AFG2A: variants seen among roughly 807,000 people sequenced by gnomAD.
AFG2A encodes the protein AAA ATPase AFG2A.
the AFG2A span, among the ~76,000 whole-genome samples, chr4:122,984,932 C>A: frequency 6.6e-6 from 1 of 151,778 alleles, no homozygotes; most frequent in Non-Finnish European, 1.5e-5. Flanking sequence ...TGGTTATATC[C>A]TTTTCTGGTT....
At chr4:123,069,429 G>A in the AFG2A span, among the ~76,000 whole-genome samples, 1 of 152,140 alleles carries the variant, frequency 6.6e-6, no homozygotes, top group Non-Finnish European at 1.5e-5. Flanking sequence ...AAGGACAAAT[G>A]CTGTATAGAA....
chr4:122,993,598 G>C, the AFG2A span, among the ~76,000 whole-genome samples: 1 of 151,930 alleles, frequency 6.6e-6, no homozygotes, highest in African/African-American at 2.4e-5. Context: ...TAAAGCTTGT[G>C]ACAAATATCA....
the AFG2A span, among the ~76,000 whole-genome samples, chr4:123,298,224 TG>T: frequency 1.3e-5 from 2 of 152,224 alleles, no homozygotes; most frequent in African/African-American, 4.8e-5. Flanking sequence ...TGTAGGGTTT[TG>T]ATTACTGGAA....
At chr4:123,316,474 C>CT in the AFG2A span, 1 of 152,138 alleles carries the variant, frequency 6.6e-6, no homozygotes, top group Non-Finnish European at 1.5e-5. Flanking sequence ...AACCTCAAAA[C>CT]TTTTATGCTC....
At chr4:123,093,922 A>G in the AFG2A span, among the ~76,000 whole-genome samples, 2 of 152,174 alleles carry the variant, frequency 1.3e-5, no homozygotes, top group Non-Finnish European at 2.9e-5. Context: ...TAATGCTCCT[A>G]TGCCCACCCA....
the AFG2A span, among the ~76,000 whole-genome samples, chr4:122,974,264 A>AC: frequency 6.6e-6 from 1 of 151,926 alleles, no homozygotes; most frequent in Non-Finnish European, 1.5e-5. Context: ...TTTGCATGAT[A>AC]TAAAAAAAAG....
At chr4:123,311,007 A>G in the AFG2A span, among the ~76,000 whole-genome samples, 5 of 152,286 alleles carry the variant, frequency 3.3e-5, no homozygotes, top group Admixed American at 6.5e-5. Flanking sequence ...TTGAGTACCC[A>G]TGTTTCTCTT....
At chr4:123,091,696 A>G in the AFG2A span, among the ~76,000 whole-genome samples, 2 of 152,140 alleles carry the variant, frequency 1.3e-5, no homozygotes, top group Non-Finnish European at 2.9e-5. Flanking sequence ...ATAGGTGCAA[A>G]ACCAGTCCTT....
the AFG2A span, chr4:123,056,505 C>A: frequency 7.1e-7 from 1 of 1,400,786 alleles, no homozygotes. Context: ...TGTGCAGCTT[C>A]CCTTTTGTTT....
chr4:123,280,168 A>C, the AFG2A span, among the ~76,000 whole-genome samples: 3 of 152,180 alleles, frequency 2.0e-5, no homozygotes, highest in Non-Finnish European at 4.4e-5. Context: ...TACATTGAGT[A>C]ATTTAGTGAA....
the AFG2A span, among the ~76,000 whole-genome samples, chr4:123,056,731 A>G: frequency 6.6e-6 from 1 of 152,268 alleles, no homozygotes; most frequent in African/African-American, 2.4e-5. Flanking sequence ...TGTTACTAAT[A>G]GTTAATAATA....
chr4:123,282,814 A>G, the AFG2A span, among the ~76,000 whole-genome samples: 1 of 145,000 alleles, frequency 6.9e-6, no homozygotes. Context: ...AGGGGGGAGA[A>G]AAGAAGAAGG....
chr4:123,088,497 GTTATA>G, the AFG2A span, among the ~76,000 whole-genome samples: 1 of 152,170 alleles, frequency 6.6e-6, no homozygotes, highest in African/African-American at 2.4e-5. Flanking sequence ...ACGTGGAAAA[GTTATA>G]TTATGGAGAA....
chr4:123,181,084 A>C, the AFG2A span, among the ~76,000 whole-genome samples: 2 of 150,128 alleles, frequency 1.3e-5, no homozygotes, highest in Admixed American at 6.6e-5. Flanking sequence ...TCCCAGGTTC[A>C]CGCCATTCTT....
chr4:123,313,659 C>G, the AFG2A span, among the ~76,000 whole-genome samples: 1 of 152,206 alleles, frequency 6.6e-6, no homozygotes, highest in African/African-American at 2.4e-5. Context: ...ACTCCTGGTT[C>G]TGAGTACTTA....
chr4:123,297,642 C>A, the AFG2A span, among the ~76,000 whole-genome samples: 1 of 151,978 alleles, frequency 6.6e-6, no homozygotes, highest in African/African-American at 2.4e-5. Flanking sequence ...TGGTGTGAAC[C>A]CCAGAGGCGG....
At chr4:123,108,384 TA>T in the AFG2A span, among the ~76,000 whole-genome samples, 20 of 148,734 alleles carry the variant, frequency 1.3e-4, no homozygotes, top group Admixed American at 2.7e-4. Flanking sequence ...AAAATGTACT[TA>T]AAAAAAAAAG....
the AFG2A span, among the ~76,000 whole-genome samples, chr4:123,023,072 T>A: frequency 6.6e-6 from 1 of 150,802 alleles, no homozygotes; most frequent in Middle Eastern, 3.4e-3. Context: ...CATTAGGAGA[T>A]ATACCTAATG....
At chr4:122,927,651 A>G in the AFG2A span, 1 of 1,610,372 alleles carries the variant, frequency 6.2e-7, no homozygotes, top group Non-Finnish European at 8.5e-7. Context: ...CAAAATTCCT[A>G]AAACATTCCA....
Sources: allele counts gnomAD v4.1 joint callset (sites outside exome capture counted in the v4.1 genomes callset), GRCh38; gene constraint gnomAD v4.1.1; transcripts MANE v1.5; gene names NCBI Gene and HGNC (gene_info 2026-07-23, HGNC 2026-07-21).